The following KCNIP4 variants were observed in gnomAD, a reference collection of about 807,000 sequenced individuals.
KCNIP4 encodes Kv channel-interacting protein 4.
Under a neutral mutation model 34.0 loss-of-function variants are expected in KCNIP4, and 12 were observed. The observed-to-expected ratio is 0.35, with a 90% CI of 0.23 to 0.57. KCNIP4 has a LOEUF of 0.57. Among genes scored for constraint, KCNIP4 ranks in the 20% least tolerant of loss-of-function variants. KCNIP4 has a pLI of 0.83. For synonymous variants in KCNIP4, 124 were observed against 102.2 expected, an observed-to-expected ratio of 1.21 and a Z score of -1.29; for missense variants, 238 against 311.7, an observed-to-expected ratio of 0.76 and a Z score of 1.78.
intron 1 of KCNIP4, among the ~76,000 whole-genome samples, chr4:21,671,850 A>T (rs1006349855): frequency 6.0e-4 from 91 of 152,246 alleles, no homozygotes; most frequent in African/African-American, 2.1e-3. Flanking sequence ...TACCCAAAAA[A>T]TTGAATTCCT....
At chr4:21,603,660 C>T (rs989431356) in intron 1 of KCNIP4, among the ~76,000 whole-genome samples, 2 of 151,888 alleles carry the variant, frequency 1.3e-5, no homozygotes, top group Non-Finnish European at 2.9e-5. Flanking sequence ...GGCCATGAAT[C>T]TTCCAATCTT....
Position 20,947,293 on chromosome 4 carries a change from T to C in KCNIP4, c.62-64584A>G, listed in dbSNP as rs374926657. Reference sequence around the variant, plus strand: ...AAGTGATCCTCCCACCTCAGCCTTCTGAGTAGCTGGGATTACAGACATGCA... The same window carrying C: ...AAGTGATCCTCCCACCTCAGCCTTCCGAGTAGCTGGGATTACAGACATGCA... On this transcript the variant is annotated intron_variant, in intron 1 of 8. Coordinates refer to ENST00000382152, the MANE Select transcript of KCNIP4 (RefSeq NM_025221.6). 2.0e-5 allele frequency among the ~76,000 whole-genome samples: 3 copies of C among 152,174 alleles called. No individual in the cohort carries two copies. In the East Asian group the frequency reaches 5.8e-4, roughly 29 times the overall value.
intron 1 of KCNIP4, among the ~76,000 whole-genome samples, chr4:21,524,945 T>C (rs1735851595): frequency 1.3e-5 from 2 of 152,194 alleles, no homozygotes; most frequent in Admixed American, 1.3e-4. Context: ...CACTTTGCTA[T>C]GTTAGTTATG....
chr4:21,522,021 C>T (rs1196327656), intron 1 of KCNIP4, among the ~76,000 whole-genome samples: 1 of 152,024 alleles, frequency 6.6e-6, no homozygotes, highest in African/African-American at 2.4e-5. Flanking sequence ...GGAAACATAG[C>T]AGTTTTGAGA....
intron 1 of KCNIP4, among the ~76,000 whole-genome samples, chr4:21,076,975 A>G (rs1049301624): frequency 1.3e-5 from 2 of 152,066 alleles, no homozygotes; most frequent in African/African-American, 4.8e-5. Context: ...ACACAAAAAA[A>G]TTAGCTGGGC....
intron 1 of KCNIP4, among the ~76,000 whole-genome samples, chr4:21,672,194 A>T (rs1459180800): frequency 6.6e-6 from 1 of 152,188 alleles, no homozygotes; most frequent in Non-Finnish European, 1.5e-5. Context: ...TGATGGGTTG[A>T]TGGGTGCAGC....
At chr4:20,961,266 A>G (rs79426666) in intron 1 of KCNIP4, among the ~76,000 whole-genome samples, 2 of 152,314 alleles carry the variant, frequency 1.3e-5, no homozygotes, top group South Asian at 4.1e-4. Flanking sequence ...AAAGGAAAAA[A>G]AATCTCTGGT....
At chr4:21,682,933 T>C (rs1182285607) in intron 1 of KCNIP4, among the ~76,000 whole-genome samples, 2 of 152,156 alleles carry the variant, frequency 1.3e-5, no homozygotes, top group Non-Finnish European at 1.5e-5. Flanking sequence ...TGAAAAACTA[T>C]GAAATATTGC....
Position 21,400,465 on chromosome 4 carries a change from TTCCTCTCCTC to T in KCNIP4, c.62-517766_62-517757del, listed in dbSNP as rs71189700. Among the ~76,000 whole-genome samples, 64 of 118,044 alleles carry T rather than the reference TTCCTCTCCTC, an allele frequency of 5.4e-4. No individual in the cohort carries two copies. In the South Asian group the frequency reaches 0.018, roughly 33 times the overall value. 77.4% of individuals were successfully genotyped at this position (118,044 alleles called of 152,430 possible). On this transcript the variant is annotated intron_variant, in intron 1 of 8. Coordinates refer to ENST00000382152, the MANE Select transcript of KCNIP4 (RefSeq NM_025221.6). ...TTGCCATTTCCTATTTTTCTTTCTGTTCCTCTCCTCTCCTCTCCTCTCCTCTCCCCTCCCT... is the reference window on the plus strand; with the variant it reads ...TTGCCATTTCCTATTTTTCTTTCTGTTCCTCTCCTCTCCTCTCCCCTCCCT...
chr4:21,113,271 AATTGG>A (rs1749385075), intron 1 of KCNIP4, among the ~76,000 whole-genome samples: 1 of 152,130 alleles, frequency 6.6e-6, no homozygotes, highest in Non-Finnish European at 1.5e-5. Context: ...AATCTCATCA[AATTGG>A]ATTTCACACA....
Position 21,191,781 on chromosome 4 carries a change from C to T in KCNIP4, c.62-309072G>A, listed in dbSNP as rs187581061. On this transcript the variant is annotated intron_variant, in intron 1 of 8. Transcript: ENST00000382152. ...AGTATGGCTTTTATTCTTTATTTGTCAGTTTCATCATTCCCTCCTTGCTGA... is the reference window on the plus strand; with the variant it reads ...AGTATGGCTTTTATTCTTTATTTGTTAGTTTCATCATTCCCTCCTTGCTGA... Among the ~76,000 whole-genome samples the T allele has an allele frequency of 3.4e-3, 523 of 152,274 alleles. 1 individual carries two copies. Among genetic ancestry groups the T allele is most frequent in the Non-Finnish European group, 4.4e-3 (302 of 68,026 alleles).
At chr4:20,843,587 G>C (rs912593600) in intron 3 of KCNIP4, among the ~76,000 whole-genome samples, 9 of 152,214 alleles carry the variant, frequency 5.9e-5, no homozygotes, top group Non-Finnish European at 1.0e-4. Flanking sequence ...AAAATTAGCT[G>C]GGTGTGGTAG....
chr4:20,747,645 C>T (rs989091439), intron 5 of KCNIP4, among the ~76,000 whole-genome samples: 1 of 152,134 alleles, frequency 6.6e-6, no homozygotes, highest in African/African-American at 2.4e-5. Flanking sequence ...TTCATTCCTT[C>T]TCCACTCTCA....
intron 8 of KCNIP4, chr4:20,731,459 A>AC: frequency 1.0e-6 from 1 of 985,290 alleles, no homozygotes; most frequent in South Asian, 4.7e-5. Context: ...ATAACAGGCT[A>AC]CTACCTGGAG....
Position 21,370,882 on chromosome 4 carries a change from C to CACACACACGTGT in KCNIP4, c.62-488174_62-488173insACACGTGTGTGT, listed in dbSNP as rs367553482. Among the ~76,000 whole-genome samples the CACACACACGTGT allele has an allele frequency of 6.5e-3, 255 of 39,308 alleles. 18 individuals are homozygous for CACACACACGTGT. Among genetic ancestry groups the CACACACACGTGT allele is most frequent in the East Asian group, 0.02 (24 of 1,184 alleles). The allele number at this position is 39,308 out of a possible 152,430, so 25.8% of individuals were successfully genotyped here. On this transcript the variant is annotated intron_variant, in intron 1 of 8. Transcript: ENST00000382152. ...ACACACACACACACACACACACACA[C>CACACACACGTGT]GTGTGTGTGTGTGTGTGTGTATTAG... is the stretch of plus-strand genomic sequence containing the variant.
intron 1 of KCNIP4, among the ~76,000 whole-genome samples, chr4:20,988,020 A>AAAAAAAAAAAAG (rs1736747840): frequency 6.7e-6 from 1 of 150,282 alleles, no homozygotes; most frequent in Non-Finnish European, 1.5e-5. Flanking sequence ...AAAAAAAAAA[A>AAAAAAAAAAAAG]AATTATAGAT....
At chr4:21,249,023 T>C (rs1760493518) in intron 1 of KCNIP4, among the ~76,000 whole-genome samples, 2 of 152,172 alleles carry the variant, frequency 1.3e-5, no homozygotes, top group South Asian at 4.1e-4. Context: ...GTGAACAATC[T>C]AGTGGACAAC....
chr4:21,234,214 AT>A (rs1477630591), intron 1 of KCNIP4, among the ~76,000 whole-genome samples: 1 of 110,088 alleles, frequency 9.1e-6, no homozygotes, highest in Admixed American at 1.1e-4. Flanking sequence ...TATAACGTAT[AT>A]TATATATAAC....
chr4:21,437,376 T>C (rs191120711), intron 1 of KCNIP4, among the ~76,000 whole-genome samples: 131 of 152,320 alleles, frequency 8.6e-4, no homozygotes, highest in Non-Finnish European at 7.6e-4. Context: ...CCAATTTTTA[T>C]AACAAATAAA....
Sources: gnomAD v4.1 joint callset for allele counts (sites outside exome capture counted in the v4.1 genomes callset) on GRCh38, gnomAD v4.1.1 for gene constraint, MANE v1.5 for transcripts, NCBI Gene and HGNC (gene_info 2026-07-23, HGNC 2026-07-21) for gene names.